Variants in ZNF385D observed in about 807,000 individuals in gnomAD.
ZNF385D encodes the protein zinc finger protein 385D.
A neutral mutation model predicts 35.8 loss-of-function variants in ZNF385D; 15 were observed. That is an observed-to-expected ratio of 0.42 (90% CI 0.28 to 0.64). The LOEUF (loss-of-function observed/expected upper bound fraction) is 0.64, where lower values mean the gene tolerates loss of function less well. Among genes scored for constraint, ZNF385D ranks in the 30% least tolerant of loss-of-function variants. The probability of loss-of-function intolerance (pLI) is 0.23; values close to 1 mark genes in which losing one functional copy is unlikely to be tolerated. For missense variants in ZNF385D, 474 were observed against 494.6 expected, an observed-to-expected ratio of 0.96 and a Z score of 0.39; for synonymous variants, 212 against 186.8, an observed-to-expected ratio of 1.13 and a Z score of -1.10.
At chr3:21,510,362 C>T (rs893856055) in intron 4 of ZNF385D, among the ~76,000 whole-genome samples, 4 of 152,270 alleles carry the variant, frequency 2.6e-5, no homozygotes, top group African/African-American at 9.6e-5. Flanking sequence ...CCAGCCATAA[C>T]AAGCCCAGTA....
intron 3 of ZNF385D, among the ~76,000 whole-genome samples, chr3:21,776,057 T>C (rs1241979304): frequency 4.0e-5 from 6 of 151,802 alleles, no homozygotes; most frequent in Non-Finnish European, 7.4e-5. Context: ...TCAAATTTTT[T>C]GTATATTATA....
chr3:21,418,012 A>T lies in ZNF385D; in HGVS notation c.*3202T>A, dbSNP rs201640103. The T allele has an allele frequency of 1.1e-4, 17 of 152,316 alleles. No individual in the cohort carries two copies. The East Asian group carries it at 2.1e-3, about 19-fold the overall frequency. The allele number at this position is 152,316 out of a possible 1,614,324, so 9.4% of individuals were successfully genotyped here. On this transcript the variant is annotated 3_prime_UTR_variant, in exon 8 of 8. Transcript: ENST00000281523. Reference sequence around the variant, plus strand: ...TGAGGTCCAGTGAGAGGAGCAATTTATCATGTGTAATTGCCTGTTTTCTCA... The same window carrying T: ...TGAGGTCCAGTGAGAGGAGCAATTTTTCATGTGTAATTGCCTGTTTTCTCA...
chr3:21,998,208 G>A (rs1263720375), intron 3 of ZNF385D, among the ~76,000 whole-genome samples: 3 of 152,002 alleles, frequency 2.0e-5, no homozygotes, highest in Non-Finnish European at 4.4e-5. Context: ...TATAATTATG[G>A]GTAGGTATAA....
chr3:21,424,656 T>C (rs529453389), intron 6 of ZNF385D, among the ~76,000 whole-genome samples: 182 of 149,226 alleles, frequency 1.2e-3, no homozygotes, highest in African/African-American at 4.3e-3. Context: ...CTTTTTTTTT[T>C]CCGAGCTTTT....
intron 3 of ZNF385D, among the ~76,000 whole-genome samples, chr3:21,885,871 T>A (rs868795946): frequency 5.3e-5 from 8 of 151,836 alleles, no homozygotes; most frequent in African/African-American, 1.9e-4. Context: ...ACAGTTATAG[T>A]CCAAAATAAT....
chr3:22,000,885 CA>C (rs1442898005), intron 3 of ZNF385D, among the ~76,000 whole-genome samples: 1 of 139,288 alleles, frequency 7.2e-6, no homozygotes, highest in Admixed American at 6.9e-5. Context: ...ACCAGTCCTA[CA>C]AGAAATATTT....
At chr3:22,270,403 T>C (rs147440886) in intron 2 of ZNF385D, among the ~76,000 whole-genome samples, 11 of 152,060 alleles carry the variant, frequency 7.2e-5, no homozygotes, top group African/African-American at 2.2e-4. Flanking sequence ...GTTTTACTCC[T>C]CCTCTGCTTA....
intron 4 of ZNF385D, among the ~76,000 whole-genome samples, chr3:21,479,334 T>C (rs1704455608): frequency 6.6e-6 from 1 of 152,058 alleles, no homozygotes; most frequent in South Asian, 2.1e-4. Context: ...TAATTTAGCA[T>C]GTGTAATTAA....
chr3:21,549,964 A>G (rs528619151), intron 3 of ZNF385D, among the ~76,000 whole-genome samples: 1 of 152,320 alleles, frequency 6.6e-6, no homozygotes, highest in South Asian at 2.1e-4. Context: ...TTTAAAAGGA[A>G]ATCTTTAGAA....
intron 3 of ZNF385D, among the ~76,000 whole-genome samples, chr3:21,762,632 C>G (rs2070668635): frequency 6.6e-6 from 1 of 152,112 alleles, no homozygotes; most frequent in South Asian, 2.1e-4. Context: ...ATAATGTCGG[C>G]CTATAATACA....
At chr3:22,123,248 G>A (rs1390507940) in intron 3 of ZNF385D, among the ~76,000 whole-genome samples, 1 of 152,052 alleles carries the variant, frequency 6.6e-6, no homozygotes, top group Non-Finnish European at 1.5e-5. Flanking sequence ...GAAGGTAGGA[G>A]GAGTAGATCT....
intron 3 of ZNF385D, among the ~76,000 whole-genome samples, chr3:21,933,475 A>G (rs769428418): frequency 6.6e-6 from 1 of 152,190 alleles, no homozygotes; most frequent in Non-Finnish European, 1.5e-5. Context: ...ATTTGTCCCC[A>G]TTTGTGAAAA....
chr3:21,821,162 TA>T, intron 3 of ZNF385D, among the ~76,000 whole-genome samples: 1 of 152,136 alleles, frequency 6.6e-6, no homozygotes, highest in East Asian at 1.9e-4. Flanking sequence ...GTTTCTAAGT[TA>T]TTTTATGAGA....
At chr3:22,307,746 T>TAAA (rs35316599) in intron 2 of ZNF385D, among the ~76,000 whole-genome samples, 1 of 144,558 alleles carries the variant, frequency 6.9e-6, no homozygotes. Context: ...GCCTCTGTTT[T>TAAA]AAAAAAAAAA....
chr3:22,328,842 G>C (rs1381333698), intron 2 of ZNF385D, among the ~76,000 whole-genome samples: 1 of 151,776 alleles, frequency 6.6e-6, no homozygotes, highest in Non-Finnish European at 1.5e-5. Flanking sequence ...TTGGGAAGCC[G>C]AGGCGGGCGG....
intron 2 of ZNF385D, among the ~76,000 whole-genome samples, chr3:21,643,638 A>G (rs1575384535): frequency 6.6e-6 from 1 of 152,086 alleles, no homozygotes; most frequent in Non-Finnish European, 1.5e-5. Context: ...CATTGACACT[A>G]TTATTGCCTT....
chr3:21,444,568 G>A (rs770828802), intron 4 of ZNF385D, among the ~76,000 whole-genome samples: 17 of 150,968 alleles, frequency 1.1e-4, no homozygotes, highest in Non-Finnish European at 2.4e-4. Context: ...TGTATTTTTA[G>A]TAGAGGCGGG....
chr3:22,202,395 G>C (rs950954602), intron 2 of ZNF385D, among the ~76,000 whole-genome samples: 1 of 152,068 alleles, frequency 6.6e-6, no homozygotes, highest in Non-Finnish European at 1.5e-5. Flanking sequence ...GAAAATACTA[G>C]CATAATCTCC....
intron 2 of ZNF385D, among the ~76,000 whole-genome samples, chr3:22,210,885 ATGAC>A (rs1470696143): frequency 6.6e-6 from 1 of 151,984 alleles, no homozygotes; most frequent in Non-Finnish European, 1.5e-5. Flanking sequence ...ATTTCATCAA[ATGAC>A]TGATTCAGCA....
Sources: gnomAD v4.1 joint callset for allele counts (sites outside exome capture counted in the v4.1 genomes callset) on GRCh38, gnomAD v4.1.1 for gene constraint, MANE v1.5 for transcripts, NCBI Gene and HGNC (gene_info 2026-07-23, HGNC 2026-07-21) for gene names.